Variants in CD86 observed in about 807,000 individuals in gnomAD.
CD86 encodes CD86 molecule, also known as T-lymphocyte activation antigen CD86.
CD86 carries 11 observed loss-of-function variants against 32.1 expected under a neutral mutation model. The observed-to-expected ratio is 0.34, with a 90% CI of 0.22 to 0.57. CD86 has a LOEUF of 0.57. Among genes scored for constraint, CD86 ranks in the 20% least tolerant of loss-of-function variants. CD86 has a pLI of 0.86. For missense variants in CD86, 359 were observed against 398.4 expected (o/e 0.90, Z 0.84); for synonymous variants, 137 against 135.3 (o/e 1.01, Z -0.09).
chr3:122,084,317 C>G (rs899926874), intron 1 of CD86, among the ~76,000 whole-genome samples: 1 of 152,198 alleles, frequency 6.6e-6, no homozygotes, highest in African/African-American at 2.4e-5. Context: ...CAGTGCTGAT[C>G]TAGAGCAGGA....
intron 1 of CD86, among the ~76,000 whole-genome samples, chr3:122,077,060 C>G (rs1387241255): frequency 6.6e-6 from 1 of 152,194 alleles, no homozygotes; most frequent in Admixed American, 6.5e-5. Context: ...AGCTAGCCTC[C>G]AAGAGATCAG....
chr3:122,092,199 T>G (rs1448129900), intron 2 of CD86: 4 of 152,538 alleles, frequency 2.6e-5, no homozygotes, highest in Non-Finnish European at 1.5e-5. Flanking sequence ...CTATGGATGT[T>G]CAGCTAATTG....
At chr3:122,099,795 A>G (rs2072968234) in intron 2 of CD86, among the ~76,000 whole-genome samples, 1 of 152,252 alleles carries the variant, frequency 6.6e-6, no homozygotes, top group Non-Finnish European at 1.5e-5. Flanking sequence ...CTAGCTATGT[A>G]TCAATTGCTC....
intron 5 of CD86, among the ~76,000 whole-genome samples, chr3:122,115,330 T>C (rs1054491686): frequency 6.6e-6 from 1 of 152,134 alleles, no homozygotes; most frequent in Non-Finnish European, 1.5e-5. Context: ...TACTGAAAAC[T>C]ATACAATATT....
In CD86 at chr3:122,055,450, G is replaced by A; in HGVS notation, c.-40G>A. The A allele has an allele frequency of 1.2e-6, 2 of 1,607,400 alleles. No homozygotes were observed. The highest frequency in any genetic ancestry group is 2.7e-5 in the African/African-American group (2 of 74,908). ...CTAGCACAGACACACGGATGAGTGGGGTCATTTCCAGATATTAGGTCACAG... is the reference window on the plus strand; with the variant it reads ...CTAGCACAGACACACGGATGAGTGGAGTCATTTCCAGATATTAGGTCACAG... On this transcript the variant is annotated 5_prime_UTR_variant, in exon 1 of 7. Transcript: ENST00000330540.
At chr3:122,091,907 G>A in intron 2 of CD86, 1 of 473,266 alleles carries the variant, frequency 2.1e-6, no homozygotes, top group East Asian at 3.6e-5. Flanking sequence ...AGTGAGCCTA[G>A]ATGCTCAGAG....
chr3:122,059,946 T>C (rs774566396), intron 1 of CD86, among the ~76,000 whole-genome samples: 130 of 152,198 alleles, frequency 8.5e-4, no homozygotes, highest in South Asian at 2.3e-3. Flanking sequence ...GATTCTTTCC[T>C]CACAACCTTC....
intron 2 of CD86, among the ~76,000 whole-genome samples, chr3:122,101,527 T>C (rs1473743423): frequency 7.1e-6 from 1 of 141,022 alleles, no homozygotes; most frequent in Non-Finnish European, 1.5e-5. Flanking sequence ...TATATATATA[T>C]ATATATATAT....
chr3:122,106,553 T>TTA, intron 4 of CD86, 53 bp downstream of exon 4: 2 of 1,450,122 alleles, frequency 1.4e-6, no homozygotes, highest in Non-Finnish European at 1.9e-6. Context: ...ACACAAATGC[T>TTA]TAAGGCAGAT....
chr3:122,090,153 A>T (rs1030142331), intron 1 of CD86, among the ~76,000 whole-genome samples: 1 of 152,158 alleles, frequency 6.6e-6, no homozygotes, highest in East Asian at 1.9e-4. Context: ...CAAATTTAGT[A>T]CCATCTACAT....
chr3:122,109,080 G>A (rs1032751541), intron 4 of CD86, among the ~76,000 whole-genome samples, 185 bp from the exon 5 acceptor site: 26 of 152,196 alleles, frequency 1.7e-4, no homozygotes, highest in African/African-American at 3.4e-4. Flanking sequence ...GCATGGGCTC[G>A]ATTCTTAGGT....
intron 1 of CD86, among the ~76,000 whole-genome samples, chr3:122,078,264 T>G (rs953563435): frequency 5.9e-5 from 9 of 152,174 alleles, no homozygotes; most frequent in African/African-American, 2.2e-4. Context: ...GCCAGATCCC[T>G]TCATCTGTTT....
chr3:122,089,397 T>C (rs1034815593), intron 1 of CD86, among the ~76,000 whole-genome samples: 1 of 152,198 alleles, frequency 6.6e-6, no homozygotes, highest in Non-Finnish European at 1.5e-5. Flanking sequence ...TTGCTAAAGA[T>C]CACAAATTAG....
At chr3:122,068,632 T>G (rs2072447077) in intron 1 of CD86, among the ~76,000 whole-genome samples, 1 of 152,234 alleles carries the variant, frequency 6.6e-6, no homozygotes, top group South Asian at 2.1e-4. Context: ...AAAGGTGACA[T>G]CACAGGTGTT....
intron 1 of CD86, among the ~76,000 whole-genome samples, chr3:122,084,192 G>A (rs543591286): frequency 6.6e-6 from 1 of 152,262 alleles, no homozygotes; most frequent in Non-Finnish European, 1.5e-5. Context: ...TCCCCATAAT[G>A]GCCAGGCTGG....
intron 5 of CD86, among the ~76,000 whole-genome samples, chr3:122,110,204 T>C (rs1377049374): frequency 6.6e-6 from 1 of 152,244 alleles, no homozygotes; most frequent in East Asian, 1.9e-4. Context: ...CTTTTGTGGA[T>C]ACACCATAAT....
chr3:122,068,501 C>T (rs1209388621), intron 1 of CD86, among the ~76,000 whole-genome samples: 1 of 152,156 alleles, frequency 6.6e-6, no homozygotes, highest in Non-Finnish European at 1.5e-5. Flanking sequence ...TAAATGCACA[C>T]CCTTAGACAA....
At chr3:122,091,313 G>A (rs1408426231) in intron 1 of CD86, among the ~76,000 whole-genome samples, 4 of 152,196 alleles carry the variant, frequency 2.6e-5, no homozygotes, top group Admixed American at 2.6e-4. Flanking sequence ...GGAGGAAAGA[G>A]AAGAGACTTT....
In CD86 at chr3:122,111,071, G is replaced by C. The variant is rs376344701; in HGVS notation, c.847+1663G>C. Among the ~76,000 whole-genome samples the C allele has an allele frequency of 5.6e-4, 86 of 152,312 alleles. 1 individual carries two copies. In the South Asian group the frequency reaches 0.015, roughly 26 times the overall value. On this transcript the variant is annotated intron_variant, in intron 5 of 6. Transcript: ENST00000330540. ...TTAAATAAGCTCTGTAGGTACAGAT[G>C]AGATGGTCAGATTGGGCTGAGTGGC...
Sources: gnomAD v4.1 joint callset for allele counts (sites outside exome capture counted in the v4.1 genomes callset) on GRCh38, gnomAD v4.1.1 for gene constraint, MANE v1.5 for transcripts, NCBI Gene and HGNC (gene_info 2026-07-23, HGNC 2026-07-21) for gene names.